DPP6: variants seen among roughly 807,000 people sequenced by gnomAD.
DPP6 encodes A-type potassium channel modulatory protein DPP6.
A neutral mutation model predicts 122.6 loss-of-function variants in DPP6; 69 were observed. The ratio of observed to expected loss-of-function variants is 0.56; its 90% confidence interval spans 0.46 to 0.69. DPP6 has a LOEUF of 0.69. Among genes scored for constraint, DPP6 ranks in the 30% least tolerant of loss-of-function variants. The pLI, the probability that DPP6 is intolerant of heterozygous loss-of-function variation, is 0.00. For synonymous variants in DPP6, 418 were observed against 433.1 expected (o/e 0.97, Z 0.43); for missense variants, 928 against 1,116.9 (o/e 0.83, Z 2.41).
At chr7:154,221,039 C>T (rs1800274441) in intron 1 of DPP6, among the ~76,000 whole-genome samples, 1 of 152,104 alleles carries the variant, frequency 6.6e-6, no homozygotes, top group African/African-American at 2.4e-5. Flanking sequence ...TGCTGGGTGC[C>T]AGGCATAAAA....
intron 2 of DPP6, among the ~76,000 whole-genome samples, chr7:154,469,944 A>G (rs1235510309): frequency 6.6e-6 from 1 of 152,206 alleles, no homozygotes; most frequent in African/African-American, 2.4e-5. Flanking sequence ...TTTTAAGCAA[A>G]AGTGATCTCA....
At chr7:153,948,292 C>T (rs1323193233) in intron 1 of DPP6, among the ~76,000 whole-genome samples, 10 of 152,068 alleles carry the variant, frequency 6.6e-5, no homozygotes, top group Admixed American at 1.3e-4. Flanking sequence ...AAGGAAGAGC[C>T]GAGTGCTTTC....
rs1412219726 is a variant in DPP6 at position 154,282,635 on chromosome 7, A to G, written c.244-163579A>G. ...AGCTGTCTCCTTTGAGTTGCTATCA[A>G]ATCGCATATGTTGCATGCTTACTTG... is the stretch of plus-strand genomic sequence containing the variant. On this transcript the variant is annotated intron_variant, in intron 1 of 25. Coordinates refer to ENST00000377770, the MANE Select transcript of DPP6 (RefSeq NM_130797.4). The surrounding 1 kb of genome is among the most constrained non-coding windows in gnomAD (Gnocchi z 4.8). Among the ~76,000 whole-genome samples, 1 of 152,206 alleles carries G rather than the reference A, an allele frequency of 6.6e-6. No homozygotes were observed. The highest frequency in any genetic ancestry group is 1.5e-5 in the Non-Finnish European group (1 of 68,028).
chr7:154,308,088 C>T (rs1207756181), intron 1 of DPP6, among the ~76,000 whole-genome samples: 1 of 152,070 alleles, frequency 6.6e-6, no homozygotes, highest in Non-Finnish European at 1.5e-5. Flanking sequence ...CTCCGACATC[C>T]TTCCAGCTGT....
intron 6 of DPP6, among the ~76,000 whole-genome samples, chr7:154,666,029 T>G (rs1436371194): frequency 6.6e-6 from 1 of 152,096 alleles, no homozygotes; most frequent in East Asian, 1.9e-4. Context: ...CTTTCCACCC[T>G]ATTTCCACCT....
chr7:154,856,722 C>T (rs951253762), intron 17 of DPP6, among the ~76,000 whole-genome samples: 17 of 152,300 alleles, frequency 1.1e-4, no homozygotes, highest in East Asian at 3.9e-4. Context: ...CATCCATATC[C>T]GTTGCGGAGC....
At chr7:154,042,173 C>G (rs1799801334) in intron 1 of DPP6, among the ~76,000 whole-genome samples, 1 of 152,174 alleles carries the variant, frequency 6.6e-6, no homozygotes, top group African/African-American at 2.4e-5. Flanking sequence ...AGGGGTCCCT[C>G]CTCTGACCAC....
chr7:153,878,731 G>A, the DPP6 span, among the ~76,000 whole-genome samples: 2 of 152,184 alleles, frequency 1.3e-5, no homozygotes, highest in Admixed American at 1.3e-4. Context: ...TTATTAAGTT[G>A]TAGACTTATG....
chr7:154,194,732 G>A (rs1798780615), intron 1 of DPP6, among the ~76,000 whole-genome samples: 1 of 152,178 alleles, frequency 6.6e-6, no homozygotes, highest in Non-Finnish European at 1.5e-5. Context: ...GAGAAATGTT[G>A]TTGAAAAGTT....
intron 6 of DPP6, among the ~76,000 whole-genome samples, chr7:154,666,066 C>T (rs1414926324): frequency 4.6e-5 from 7 of 151,852 alleles, no homozygotes; most frequent in Non-Finnish European, 1.0e-4. Flanking sequence ...CAATCTGGTT[C>T]CTGGTTTCTG....
intron 3 of DPP6, among the ~76,000 whole-genome samples, chr7:154,530,067 A>G (rs571429336): frequency 6.6e-6 from 1 of 152,166 alleles, no homozygotes; most frequent in East Asian, 1.9e-4. Context: ...CAGAGGCTGC[A>G]GTGAGCAGAA....
At chr7:154,447,112 C>T (rs1819944834) in intron 2 of DPP6, among the ~76,000 whole-genome samples, 1 of 152,120 alleles carries the variant, frequency 6.6e-6, no homozygotes, top group Non-Finnish European at 1.5e-5. Flanking sequence ...TCGAGACCAT[C>T]CTGGCCAACA....
At chr7:154,294,927 A>G (rs1430888741) in intron 1 of DPP6, among the ~76,000 whole-genome samples, 1 of 152,090 alleles carries the variant, frequency 6.6e-6, no homozygotes, top group Non-Finnish European at 1.5e-5. Flanking sequence ...AAAAACATAA[A>G]CAAGGCATCT....
chr7:154,229,861 C>G (rs1339299593), intron 1 of DPP6, among the ~76,000 whole-genome samples: 1 of 151,928 alleles, frequency 6.6e-6, no homozygotes, highest in Non-Finnish European at 1.5e-5. Flanking sequence ...TTAGTACAAG[C>G]TTATTTGGTG....
the DPP6 span, among the ~76,000 whole-genome samples, chr7:153,871,839 C>T: frequency 1.3e-5 from 2 of 152,204 alleles, no homozygotes; most frequent in Admixed American, 1.3e-4. Context: ...AGTCATTATT[C>T]CATGGTTCAG....
rs1009791963 is a variant in DPP6, at chr7:153,921,693, G to C, written c.51+33959G>C. On this transcript the variant is annotated intron_variant, in intron 1 of 25. Coordinates refer to the DPP6 transcript ENST00000404039. ...GAGTAATAGCAGAGTGAGAATTAAA[G>C]TGTGCTACTTTATCAGTAGCTGAAC... Among the ~76,000 whole-genome samples, 4 of 152,350 alleles carry C rather than the reference G, an allele frequency of 2.6e-5. 1 individual carries two copies. The South Asian group carries it at 8.3e-4, about 32-fold the overall frequency.
chr7:153,870,330 C>A, the DPP6 span, among the ~76,000 whole-genome samples: 1 of 152,194 alleles, frequency 6.6e-6, no homozygotes, highest in African/African-American at 2.4e-5. Context: ...TCCCATATTT[C>A]TTGGAGGACT....
chr7:154,544,823 C>A (rs1031975864), intron 4 of DPP6, among the ~76,000 whole-genome samples: 7 of 152,168 alleles, frequency 4.6e-5, no homozygotes, highest in Non-Finnish European at 1.0e-4. Context: ...CTGGGCCAGG[C>A]TCAGGGCTCA....
chr7:154,091,183 C>G (rs144076356), intron 1 of DPP6, among the ~76,000 whole-genome samples: 52,162 of 151,654 alleles, frequency 0.34, 10,585 homozygotes, highest in East Asian at 0.5. Flanking sequence ...CTTTAGGTTC[C>G]CAGAAGAACT....
Sources: gnomAD v4.1 joint callset for allele counts (sites outside exome capture counted in the v4.1 genomes callset) on GRCh38, gnomAD v4.1.1 for gene constraint, Gnocchi (gnomAD v3.1) non-coding constraint, MANE v1.5 for transcripts, NCBI Gene and HGNC (gene_info 2026-07-23, HGNC 2026-07-21) for gene names.